The following RALYL variants were observed in gnomAD, a reference collection of about 807,000 sequenced individuals.
RALYL encodes the protein RNA-binding Raly-like protein.
A neutral mutation model predicts 35.1 loss-of-function variants in RALYL; 29 were observed. The observed-to-expected ratio is 0.83, with a 90% CI of 0.61 to 1.13. The LOEUF (loss-of-function observed/expected upper bound fraction) is 1.13, where lower values mean the gene tolerates loss of function less well. RALYL is among the 50% of genes most tolerant of loss of function. The pLI is 0.00. For missense variants in RALYL, 359 were observed against 360.4 expected, an observed-to-expected ratio of 1.00 and a Z score of 0.03; for synonymous variants, 120 against 127.6, an observed-to-expected ratio of 0.94 and a Z score of 0.40.
chr8:84,461,196 T>G (rs1436209386), intron 1 of RALYL, among the ~76,000 whole-genome samples: 1 of 151,616 alleles, frequency 6.6e-6, no homozygotes, highest in East Asian at 1.9e-4. Flanking sequence ...ACCCTGTTTT[T>G]GATAGTTTGC....
chr8:84,611,610 T>C (rs1414620909), intron 2 of RALYL, among the ~76,000 whole-genome samples: 1 of 152,178 alleles, frequency 6.6e-6, no homozygotes, highest in Non-Finnish European at 1.5e-5. Flanking sequence ...ACTTATTGAC[T>C]GGTTCACTCT....
chr8:84,682,012 C>A (rs1835647402), intron 2 of RALYL, among the ~76,000 whole-genome samples: 2 of 152,072 alleles, frequency 1.3e-5, no homozygotes, highest in South Asian at 4.2e-4. Context: ...GAGATACGTC[C>A]CATCAATACC....
At chr8:84,315,159 A>G (rs1342415391) in intron 1 of RALYL, among the ~76,000 whole-genome samples, 1 of 152,232 alleles carries the variant, frequency 6.6e-6, no homozygotes, top group Non-Finnish European at 1.5e-5. Flanking sequence ...AATAAGCCAG[A>G]GGTTAAATAA....
chr8:84,384,664 T>C (rs1858784008), intron 1 of RALYL, among the ~76,000 whole-genome samples: 1 of 151,754 alleles, frequency 6.6e-6, no homozygotes, highest in Admixed American at 6.6e-5. Context: ...TGTCCCATCC[T>C]CCTTTCCCCT....
intron 1 of RALYL, among the ~76,000 whole-genome samples, chr8:84,240,644 T>TA (rs879662736): frequency 1.1e-4 from 17 of 152,154 alleles, no homozygotes; most frequent in Admixed American, 7.9e-4. Flanking sequence ...GCATTATGGA[T>TA]AAAAAAAGTT....
chr8:84,667,032 A>G (rs2131746134), intron 2 of RALYL, among the ~76,000 whole-genome samples: 1 of 152,252 alleles, frequency 6.6e-6, no homozygotes, highest in Non-Finnish European at 1.5e-5. Flanking sequence ...GTTAAGTAAA[A>G]GTGTGAAACC....
At chr8:84,890,377 C>T (rs79329832) in intron 8 of RALYL, among the ~76,000 whole-genome samples, 22,811 of 151,954 alleles carry the variant, frequency 0.15, 2,319 homozygotes, top group Non-Finnish European at 0.21. Context: ...TGGGCACTAT[C>T]ACAGATTTGA....
At chr8:84,836,347 T>C (rs962386058) in intron 4 of RALYL, among the ~76,000 whole-genome samples, 3 of 152,212 alleles carry the variant, frequency 2.0e-5, no homozygotes, top group African/African-American at 7.2e-5. Context: ...TCTTTAGAAC[T>C]TCTTAGCCAT....
Position 84,815,460 on chromosome 8 carries a change from G to A in RALYL, c.365+10658G>A, listed in dbSNP as rs1199518614. ...AAATTTATTATAAATACATAATACT[G>A]AATGTTTATATTATTATAAATAAAA... On this transcript the variant is annotated intron_variant, in intron 4 of 8. Coordinates refer to ENST00000521268, the MANE Select transcript of RALYL (RefSeq NM_173848.7). Among the ~76,000 whole-genome samples, 26 of 146,952 alleles carry A rather than the reference G, an allele frequency of 1.8e-4. No individual in the cohort carries two copies. In the South Asian group the frequency reaches 5.5e-3, roughly 31 times the overall value.
At chr8:84,526,239 A>G (rs916510056) in intron 1 of RALYL, among the ~76,000 whole-genome samples, 4 of 151,974 alleles carry the variant, frequency 2.6e-5, no homozygotes, top group Admixed American at 1.3e-4. Flanking sequence ...ACAGGCGTGA[A>G]CTACCACACC....
At chr8:84,321,323 A>G (rs1382525870) in intron 1 of RALYL, among the ~76,000 whole-genome samples, 12 of 152,130 alleles carry the variant, frequency 7.9e-5, no homozygotes, top group Admixed American at 7.9e-4. Context: ...CACATAAGAG[A>G]AATGATATCT....
intron 4 of RALYL, among the ~76,000 whole-genome samples, chr8:84,837,870 AC>A (rs1228899934): frequency 1.4e-4 from 21 of 152,022 alleles, no homozygotes; most frequent in African/African-American, 4.8e-4. Context: ...AAGGTCAAAT[AC>A]CTGCCATAAG....
intron 1 of RALYL, among the ~76,000 whole-genome samples, chr8:84,484,507 G>A (rs16912908): frequency 5.9e-5 from 9 of 152,112 alleles, no homozygotes; most frequent in African/African-American, 2.2e-4. Flanking sequence ...AAGCAGGAAG[G>A]TGTGAAATGT....
intron 1 of RALYL, among the ~76,000 whole-genome samples, chr8:84,275,986 C>T (rs1199048038): frequency 6.6e-6 from 1 of 152,040 alleles, no homozygotes; most frequent in Non-Finnish European, 1.5e-5. Flanking sequence ...TCTAACCAGT[C>T]TGCACTCGGT....
intron 2 of RALYL, among the ~76,000 whole-genome samples, chr8:84,548,836 TTATTC>T (rs2060530942): frequency 6.6e-6 from 1 of 152,198 alleles, no homozygotes; most frequent in Non-Finnish European, 1.5e-5. Flanking sequence ...AACTTGGAAT[TTATTC>T]TATGCAATTT....
At chr8:84,387,131 T>A (rs911659231) in intron 1 of RALYL, among the ~76,000 whole-genome samples, 1 of 151,990 alleles carries the variant, frequency 6.6e-6, no homozygotes, top group South Asian at 2.1e-4. Flanking sequence ...AGGTAATGTA[T>A]GTAAGTAACG....
chr8:84,591,265 T>G (rs1813196347), intron 2 of RALYL, among the ~76,000 whole-genome samples: 1 of 152,188 alleles, frequency 6.6e-6, no homozygotes, highest in Non-Finnish European at 1.5e-5. Context: ...ATTGAATACC[T>G]GAGACATCAG....
chr8:84,531,569 G>A (rs2059279236), intron 2 of RALYL, among the ~76,000 whole-genome samples: 1 of 151,864 alleles, frequency 6.6e-6, no homozygotes, highest in African/African-American at 2.4e-5. Flanking sequence ...TCTGACATTT[G>A]TGTTTTCCTT....
intron 8 of RALYL, among the ~76,000 whole-genome samples, chr8:84,904,713 A>G (rs973921035): frequency 6.6e-6 from 1 of 152,094 alleles, no homozygotes; most frequent in African/African-American, 2.4e-5. Context: ...AAATGTAAAG[A>G]CTCTACAAAT....
Sources: gnomAD v4.1 joint callset for allele counts (sites outside exome capture counted in the v4.1 genomes callset) on GRCh38, gnomAD v4.1.1 for gene constraint, MANE v1.5 for transcripts, NCBI Gene and HGNC (gene_info 2026-07-23, HGNC 2026-07-21) for gene names.